ATP5MG: variants seen among roughly 807,000 people sequenced by gnomAD.
ATP5MG encodes the protein ATP synthase F(0) complex subunit g, mitochondrial.
ATP5MG carries 7 observed loss-of-function variants against 12.7 expected under a neutral mutation model. The ratio of observed to expected loss-of-function variants is 0.55; its 90% CI spans 0.31 to 1.04. The LOEUF (loss-of-function observed/expected upper bound fraction) is 1.04. Among genes scored for constraint, ATP5MG ranks in the 50% least tolerant of loss-of-function variants. ATP5MG has a pLI of 0.05. For missense variants in ATP5MG, 116 were observed against 126.7 expected, an observed-to-expected ratio of 0.92 and a Z score of 0.41; for synonymous variants, 53 against 48.2, an observed-to-expected ratio of 1.10 and a Z score of -0.41.
chr11:118,408,019 G>A (rs558776090), intron 2 of ATP5MG, among the ~76,000 whole-genome samples: 1 of 152,050 alleles, frequency 6.6e-6, no homozygotes, highest in African/African-American at 2.4e-5. Context: ...AAACTTAGCC[G>A]GGCGTGGTGG....
rs781971817 is a variant in ATP5MG at position 118,401,732 on chromosome 11, A to G, written c.52+15A>G. 6.8e-6 allele frequency: 11 copies of G among 1,609,406 alleles called. No homozygotes were observed. Among genetic ancestry groups the G allele is most frequent in the Non-Finnish European group, 9.3e-6 (11 of 1,176,678 alleles). On this transcript the variant is annotated intron_variant, in intron 1 of 2. Transcript: ENST00000300688. Reference sequence around the variant, plus strand: ...GCTGGTGAACGGTGAGCGCGATGTGAGACCGCCGAGGCGGGCACACGGGCG... The same window carrying G: ...GCTGGTGAACGGTGAGCGCGATGTGGGACCGCCGAGGCGGGCACACGGGCG...
rs1591315923 is a variant in ATP5MG at position 118,402,744 on chromosome 11, C to T, written c.52+1027C>T. ...GAAGACAGGGACTCACTCTGTCGCC[C>T]AGGCTGGAGTGCAGTGCAGATCACA... On this transcript the variant is annotated intron_variant, in intron 1 of 2. Coordinates refer to ENST00000300688, the MANE Select transcript of ATP5MG (RefSeq NM_006476.5). Among the ~76,000 whole-genome samples, 9 of 150,040 alleles carry T rather than the reference C, an allele frequency of 6.0e-5. 1 individual carries two copies. The South Asian group carries it at 1.9e-3, about 32-fold the overall frequency.
intron 1 of ATP5MG, among the ~76,000 whole-genome samples, chr11:118,402,990 G>A (rs1465003843): frequency 2.0e-5 from 3 of 152,116 alleles, no homozygotes; most frequent in Admixed American, 6.6e-5. Flanking sequence ...GTGAGCCACA[G>A]CGCCAGCCGG....
chr11:118,409,524 C>G lies in ATP5MG; in HGVS notation c.*426C>G, dbSNP rs1948999576. 1 of 152,336 alleles carries G rather than the reference C, an allele frequency of 6.6e-6. No individual in the cohort carries two copies. The highest frequency in any genetic ancestry group is 2.4e-5 in the African/African-American group (1 of 41,452). The allele number at this position is 152,336 out of a possible 1,614,324, so 9.4% of individuals were successfully genotyped here. ...GTCAGTAGTTAGAATAACATTTCAA[C>G]TGTTTTCTTTGCTAAAATCACAGAA... On this transcript the variant is annotated 3_prime_UTR_variant, in exon 3 of 3. Coordinates refer to ENST00000300688, the MANE Select transcript of ATP5MG (RefSeq NM_006476.5).
chr11:118,402,952 G>A (rs545586285), intron 1 of ATP5MG, among the ~76,000 whole-genome samples: 2 of 151,882 alleles, frequency 1.3e-5, no homozygotes, highest in Non-Finnish European at 2.9e-5. Context: ...CTCCCGCCTC[G>A]GTCTCCTAAA....
At chr11:118,407,180 A>G in intron 2 of ATP5MG, 83 bp downstream of exon 2, 1 of 1,559,430 alleles carries the variant, frequency 6.4e-7, no homozygotes, top group Non-Finnish European at 8.7e-7. Flanking sequence ...TGATTAATAT[A>G]TATGTTTCCA....
intron 1 of ATP5MG, among the ~76,000 whole-genome samples, chr11:118,402,048 A>T (rs913227506): frequency 6.6e-6 from 1 of 152,126 alleles, no homozygotes; most frequent in African/African-American, 2.4e-5. Flanking sequence ...TCTAGAGGGG[A>T]TGGTTCTGTT....
At chr11:118,408,856 C>T (rs782358186) in intron 2 of ATP5MG, 144 bp from the exon 3 acceptor site, 12 of 224,164 alleles carry the variant, frequency 5.4e-5, no homozygotes, top group Non-Finnish European at 8.8e-5. Flanking sequence ...TCAACTTTGA[C>T]TAAAACTGCC....
chr11:118,405,789 A>G (rs1204652236), intron 1 of ATP5MG: 2 of 827,296 alleles, frequency 2.4e-6, no homozygotes, highest in Non-Finnish European at 2.9e-6. Context: ...TAATATGAGG[A>G]AAACACCAAG....
intron 1 of ATP5MG, among the ~76,000 whole-genome samples, chr11:118,404,608 G>T (rs1163800525): frequency 6.6e-6 from 1 of 152,192 alleles, no homozygotes; most frequent in Admixed American, 6.5e-5. Context: ...CCACAGTGAA[G>T]AGATGCCCTA....
Position 118,409,360 on chromosome 11 carries a change from C to A in ATP5MG, c.*262C>A. 5.3e-6 allele frequency: 1 copy of A among 190,128 alleles called. No homozygotes were observed. The highest frequency in any genetic ancestry group is 2.3e-5 in the African/African-American group (1 of 42,650). The allele number at this position is 190,128 out of a possible 1,614,324, so 11.8% of individuals were successfully genotyped here. A position where few individuals can be genotyped will look rare whatever the true frequency, so the allele number is the denominator to read the frequency against. ...CTGGTACATGAATATATGGGGATAA[C>A]ATTTTAATTTGAAGGTTTGGAATAT... is the stretch of plus-strand genomic sequence containing the variant. On this transcript the variant is annotated 3_prime_UTR_variant, in exon 3 of 3. Coordinates refer to ENST00000300688, the MANE Select transcript of ATP5MG (RefSeq NM_006476.5).
chr11:118,402,899 A>G (rs1425767198), intron 1 of ATP5MG, among the ~76,000 whole-genome samples: 1 of 151,742 alleles, frequency 6.6e-6, no homozygotes, highest in South Asian at 2.1e-4. Flanking sequence ...GGATTTCACC[A>G]TGTTGCCCAG....
intron 2 of ATP5MG, chr11:118,407,301 G>A (rs1320163631): frequency 1.3e-6 from 1 of 793,078 alleles, no homozygotes; most frequent in Non-Finnish European, 1.9e-6. Context: ...TTATGTCTTA[G>A]TTTCCTAAGA....
intron 2 of ATP5MG, chr11:118,407,625 T>C (rs1555132342): frequency 1.3e-5 from 2 of 156,046 alleles, no homozygotes; most frequent in Admixed American, 1.3e-4. Context: ...CCCAGTACTT[T>C]GGGAGGCCAA....
rs1321620594 is a variant in ATP5MG at position 118,407,787 on chromosome 11, G to A, written c.213+690G>A. Among the ~76,000 whole-genome samples the A allele has an allele frequency of 3.9e-5, 6 of 152,136 alleles. No homozygotes were observed. The East Asian group carries it at 9.6e-4, about 24-fold the overall frequency. ...CTTGGGAGGCTGAGGCGAGAGGATC[G>A]CTTGAGCCCAGGAGTTAGAGGAGGC... On this transcript the variant is annotated intron_variant, in intron 2 of 2. Transcript: ENST00000300688.
chr11:118,405,956 G>A (rs917985608), intron 1 of ATP5MG, among the ~76,000 whole-genome samples: 51 of 152,100 alleles, frequency 3.4e-4, no homozygotes, highest in African/African-American at 1.0e-3. Flanking sequence ...TCTGGCTCCC[G>A]TGTTCAAGCA....
At chr11:118,408,951 T>G in intron 2 of ATP5MG, 49 bp from the exon 3 acceptor site, 1 of 452,056 alleles carries the variant, frequency 2.2e-6, no homozygotes, top group Non-Finnish European at 3.5e-6. Flanking sequence ...ATATATATAA[T>G]TATATATATA....
chr11:118,408,569 C>T (rs1565547464), intron 2 of ATP5MG, among the ~76,000 whole-genome samples: 2 of 152,182 alleles, frequency 1.3e-5, no homozygotes, highest in Non-Finnish European at 2.9e-5. Flanking sequence ...GAAGACAGCA[C>T]TTCATCTTTC....
rs782700699 is a variant in ATP5MG, at chr11:118,408,986, G to A, written c.214-14G>A. 7.3e-5 allele frequency: 109 copies of A among 1,485,044 alleles called. No individual in the cohort carries two copies. Among genetic ancestry groups the A allele is most frequent in the Non-Finnish European group, 9.7e-5 (106 of 1,089,612 alleles). 92.0% of individuals were successfully genotyped at this position (1,485,044 alleles called of 1,614,324 possible). A position where few individuals can be genotyped will look rare whatever the true frequency, so the allele number is the denominator to read the frequency against. On this transcript the variant is annotated splice_polypyrimidine_tract_variant and intron_variant, in intron 2 of 2. Coordinates refer to ENST00000300688, the MANE Select transcript of ATP5MG (RefSeq NM_006476.5). The stretch of plus-strand genomic sequence containing the variant: ...ATATAAAAGGTACCTTAAAATGTAT[G>A]CTTCTTTTTTCAGGAAGCTGTGCTG...
Sources: allele counts gnomAD v4.1 joint callset (sites outside exome capture counted in the v4.1 genomes callset), GRCh38; gene constraint gnomAD v4.1.1; transcripts MANE v1.5; gene names NCBI Gene and HGNC (gene_info 2026-07-23, HGNC 2026-07-21).